Variants in LMTK3 observed in about 807,000 individuals in gnomAD.
LMTK3 encodes lemur tail kinase 3.
LMTK3 carries 27 observed loss-of-function variants against 116.7 expected under a neutral mutation model. That is an observed-to-expected ratio of 0.23 (90% confidence interval 0.17 to 0.32). The LOEUF (loss-of-function observed/expected upper bound fraction) is 0.32. Among genes scored for constraint, LMTK3 ranks in the 10% least tolerant of loss-of-function variants. LMTK3 has a pLI of 1.00. For missense variants in LMTK3, 1,764 were observed against 2,068.5 expected (o/e 0.85, Z 2.86); for synonymous variants, 965 against 971.0 (o/e 0.99, Z 0.11).
At position 48,497,696 on chromosome 19, in the gene LMTK3, C is replaced by T. The variant is rs1569102434; in HGVS notation, c.3373G>A (p.Gly1125Ser). The T allele has an allele frequency of 2.3e-6, 3 of 1,313,538 alleles. No homozygotes were observed. The highest frequency in any genetic ancestry group is 2.9e-6 in the Non-Finnish European group (3 of 1,035,322). 81.4% of individuals were successfully genotyped at this position (1,313,538 alleles called of 1,614,324 possible). Residue 1125 changes from glycine to serine, a missense_variant, in exon 11 of 15, where the codon GGC becomes AGC. This residue lies in a region of LMTK3 where 1,028 missense variants were observed against 1,050.6 expected (regional missense o/e 0.98). Coordinates refer to ENST00000600059, the MANE Select transcript of LMTK3 (RefSeq NM_001388485.1). This position sits in a 1 kb window ranked among gnomAD's most constrained non-coding sequence, Gnocchi z 5.7. ...GCGTCCACGCCGCTTCCGGGGCCGC[C>T]GCCGGGGGCCGTCCCCGTGCCCACT... ...APVGTGTAPG[G>S]GPGSGVDAKA...
chr19:48,504,017 G>A (rs772325671), intron 5 of LMTK3, among the ~76,000 whole-genome samples: 16 of 151,914 alleles, frequency 1.1e-4, no homozygotes, highest in Non-Finnish European at 1.9e-4. Context: ...ACAGATGCCC[G>A]ACACCAAGCC....
In LMTK3 at chr19:48,498,351, G is replaced by A. The variant is rs377699902; in HGVS notation, c.2718C>T (p.Asp906=). 72 of 1,612,938 alleles carry A rather than the reference G, an allele frequency of 4.5e-5. No homozygotes were observed. Among genetic ancestry groups the A allele is most frequent in the Non-Finnish European group, 5.8e-5 (69 of 1,179,744 alleles). Residue 906 remains aspartate, a synonymous_variant, in exon 11 of 15, where the codon GAC becomes GAT. Coordinates refer to ENST00000600059, the MANE Select transcript of LMTK3 (RefSeq NM_001388485.1). ...NREKVPGLNR[D]PTVLGNGKQA... is the part of the protein sequence containing the mutation. ...GTTTCCCGTTGCCCAGGACTGTCGG[G>A]TCCCTGTTCAGGCCCGGGACTTTCT...
intron 14 of LMTK3, among the ~76,000 whole-genome samples, chr19:48,490,701 C>G (rs1972206474): frequency 6.6e-6 from 1 of 152,186 alleles, no homozygotes; most frequent in South Asian, 2.1e-4. Context: ...CTGGTTCACA[C>G]CAACCGGCTT....
intron 14 of LMTK3, among the ~76,000 whole-genome samples, chr19:48,486,457 C>T (rs998961263): frequency 6.6e-6 from 1 of 152,158 alleles, no homozygotes; most frequent in Non-Finnish European, 1.5e-5. Flanking sequence ...CACCCCTGCA[C>T]GCTCATCTTT....
rs778499082 is a variant in LMTK3 at position 48,497,559 on chromosome 19, C to T, written c.3510G>A (p.Pro1170=). The change falls in exon 11 of 15, where the codon CCG becomes CCA. Residue 1170 remains proline, a synonymous_variant. Transcript: ENST00000600059. This position sits in a 1 kb window ranked among gnomAD's most constrained non-coding sequence, Gnocchi z 5.7. ...RLEPAPPRAR[P]EVAPEGEPGA... Reference sequence around the variant, plus strand: ...CGGGCTCTCCCTCGGGGGCCACCTCCGGCCTGGCTCTCGGGGGCGCTGGCT... The same window carrying T: ...CGGGCTCTCCCTCGGGGGCCACCTCTGGCCTGGCTCTCGGGGGCGCTGGCT... The T allele has an allele frequency of 1.2e-5, 17 of 1,361,322 alleles. No homozygotes were observed. In the Middle Eastern group the frequency reaches 1.2e-3, roughly 100 times the overall value. 84.3% of individuals were successfully genotyped at this position (1,361,322 alleles called of 1,614,324 possible).
chr19:48,507,015 G>A (rs1444075056), intron 5 of LMTK3, among the ~76,000 whole-genome samples: 1 of 152,156 alleles, frequency 6.6e-6, no homozygotes, highest in Admixed American at 6.6e-5. Flanking sequence ...TGGTCTCCAA[G>A]TCCTGAGCTC....
In LMTK3 at chr19:48,497,369, G is replaced by T. The variant is rs756408426; in HGVS notation, c.3676+24C>A. Reference sequence around the variant, plus strand: ...TCGGAAACAGCCGGACCTCAGCCCTGACTGTGCCCCGCAGCCTCCTCACCT... The same window carrying T: ...TCGGAAACAGCCGGACCTCAGCCCTTACTGTGCCCCGCAGCCTCCTCACCT... On this transcript the variant is annotated intron_variant, in intron 11 of 14. Transcript: ENST00000600059. This position sits in a 1 kb window ranked among gnomAD's most constrained non-coding sequence, Gnocchi z 5.7. The T allele has an allele frequency of 3.4e-5, 50 of 1,452,440 alleles. No homozygotes were observed. The East Asian group carries it at 1.3e-3, about 39-fold the overall frequency. The allele number at this position is 1,452,440 out of a possible 1,614,324, so 90.0% of individuals were successfully genotyped here. A position where few individuals can be genotyped will look rare whatever the true frequency, so the allele number is the denominator to read the frequency against.
At chr19:48,502,352 C>T in intron 7 of LMTK3, 81 bp downstream of exon 7, 2 of 1,470,608 alleles carry the variant, frequency 1.4e-6, no homozygotes, top group Non-Finnish European at 1.8e-6. Flanking sequence ...GGTCCGCCCC[C>T]CCTCTAGCCC....
chr19:48,488,617 G>A (rs982714551), intron 14 of LMTK3, among the ~76,000 whole-genome samples: 5 of 152,056 alleles, frequency 3.3e-5, no homozygotes, highest in African/African-American at 9.7e-5. Flanking sequence ...TTCCTTGAGC[G>A]GGCCAAGCTC....
In LMTK3 at chr19:48,498,526, C is replaced by A. The variant is rs868380083; in HGVS notation, c.2543G>T (p.Arg848Leu). 11 of 1,573,466 alleles carry A rather than the reference C, an allele frequency of 7.0e-6. No individual in the cohort carries two copies. The African/African-American group carries it at 1.4e-4, about 19-fold the overall frequency. The stretch of plus-strand genomic sequence containing the variant: ...TTGAACCACGAAGGTCGGCTTCTCC[C>A]GGGGCCCCGGGAGTGGGAGCGGACC... The part of the protein sequence containing the change: ...DPGPLPLPGP[R>L]EKPTFVVQVS... Residue 848 changes from arginine to leucine, a missense_variant, in exon 11 of 15, where the codon CGG (arginine) becomes CTG (leucine). Around this residue, in one of 7 missense-constraint regions of LMTK3, gnomAD observed 1,028 missense variants for 1,050.6 expected, o/e 0.98. Transcript: ENST00000600059.
rs1972440767 is a variant in LMTK3 at position 48,500,333 on chromosome 19, A to G, written c.1152-416T>C. On this transcript the variant is annotated intron_variant, in intron 10 of 14. Coordinates refer to ENST00000600059, the MANE Select transcript of LMTK3 (RefSeq NM_001388485.1). This position sits in a 1 kb window ranked among gnomAD's most constrained non-coding sequence, Gnocchi z 4.0. ...CAGCTACCTGGGAGGCTGAGGCAGG[A>G]GAACCGCTTGAACCCGGGAGGCGGA... 6.6e-6 allele frequency among the ~76,000 whole-genome samples: 1 copy of G among 152,200 alleles called. No homozygotes were observed. Among genetic ancestry groups the G allele is most frequent in the African/African-American group, 2.4e-5 (1 of 41,454 alleles).
At position 48,498,633 on chromosome 19, in the gene LMTK3, C is replaced by T. The variant is rs1346713712; in HGVS notation, c.2436G>A (p.Ala812=). 2.6e-6 allele frequency: 4 copies of T among 1,541,076 alleles called. No individual in the cohort carries two copies. Among genetic ancestry groups the T allele is most frequent in the East Asian group, 2.5e-5 (1 of 40,648 alleles). Residue 812 remains alanine (A), a synonymous_variant, in exon 11 of 15, where the codon GCG becomes GCA. Transcript: ENST00000600059. ...GCCGAGGGACCCCTTCCTCCTCGGCCGCCCCCCCACCTGGGAAGGCTCCCT... is the reference window on the plus strand; with the variant it reads ...GCCGAGGGACCCCTTCCTCCTCGGCTGCCCCCCCACCTGGGAAGGCTCCCT... ...SPEGAFPGGG[A]AEEEGVPRPR...
intron 6 of LMTK3, 126 bp from the exon 7 acceptor site, chr19:48,502,707 TGCAGCAG>T (rs1972494834): frequency 8.6e-7 from 1 of 1,163,886 alleles, no homozygotes; most frequent in African/African-American, 1.6e-5. Context: ...CTCTGCTGCT[TGCAGCAG>T]GTAATAACAC....
At position 48,499,361 on chromosome 19, in the gene LMTK3, G is replaced by C; in HGVS notation, c.1708C>G (p.Pro570Ala). 7.0e-7 allele frequency: 1 copy of C among 1,425,210 alleles called. No homozygotes were observed. The highest frequency in any genetic ancestry group is 9.2e-7 in the Non-Finnish European group (1 of 1,083,090). 88.3% of individuals were successfully genotyped at this position (1,425,210 alleles called of 1,614,324 possible). A position where few individuals can be genotyped will look rare whatever the true frequency, so the allele number is the denominator to read the frequency against. Reference sequence around the variant, plus strand: ...TGGGGGACCTCGGAGGGGGCCTGGGGGGCCTGAGGGGCGGGCACTCCTGGG... The same window carrying C: ...TGGGGGACCTCGGAGGGGGCCTGGGCGGCCTGAGGGGCGGGCACTCCTGGG... ...LDPGVPAPQA[P>A]QAPSEVPQLV... The change falls in exon 11 of 15, where the codon CCC becomes GCC. Residue 570 changes from proline to alanine, a missense_variant. By Grantham distance (27) the Pro-to-Ala change is conservative (BLOSUM62 -1). Transcript: ENST00000600059.
rs1483041773 is a variant in LMTK3 at position 48,498,956 on chromosome 19, C to T, written c.2113G>A (p.Glu705Lys). ...TCTGCCCGCAGCGAGGAGTCGTCCT[C>T]GGGGGGGTGGGGGCAGCCAAGAGCA... ...HPALGCPHPP[E>K]DDSSLRAERG... Residue 705 changes from glutamate to lysine, a missense_variant, in exon 11 of 15, where the codon GAG (glutamate) becomes AAG (lysine). This residue lies in a region of LMTK3 where 1,028 missense variants were observed against 1,050.6 expected (regional missense o/e 0.98). Coordinates refer to ENST00000600059, the MANE Select transcript of LMTK3 (RefSeq NM_001388485.1). The T allele has an allele frequency of 3.2e-6, 4 of 1,260,714 alleles. No individual in the cohort carries two copies. The highest frequency in any genetic ancestry group is 8.5e-5 in the Admixed American group (2 of 23,414). 78.1% of individuals were successfully genotyped at this position (1,260,714 alleles called of 1,614,324 possible). A position where few individuals can be genotyped will look rare whatever the true frequency, so the allele number is the denominator to read the frequency against.
At chr19:48,503,789 T>TTCTCTCTCTC (rs148406252) in intron 5 of LMTK3, among the ~76,000 whole-genome samples, 1 of 149,502 alleles carries the variant, frequency 6.7e-6, no homozygotes, top group African/African-American at 2.5e-5. Flanking sequence ...ACCTACAGTT[T>TTCTCTCTCTC]TCTCTCTCTC....
Position 48,499,767 on chromosome 19 carries a change from G to C in LMTK3, c.1302C>G (p.Pro434=). The C allele has an allele frequency of 6.5e-7, 1 of 1,537,588 alleles. No homozygotes were observed. Among genetic ancestry groups the C allele is most frequent in the South Asian group, 1.2e-5 (1 of 82,262 alleles). The change falls in exon 11 of 15, where the codon CCC becomes CCG. Residue 434 remains proline (P), a synonymous_variant. Transcript: ENST00000600059. ...PPPRDGPFPW[P]WPPAHSAPRP... ...GGGGCGCACTGTGTGCAGGGGGCCA[G>C]GGCCAGGGGAAGGGACCGTCTCGGG...
rs1016333313 is a variant in LMTK3, at chr19:48,501,214, A to T, written c.1001+69T>A. Reference sequence around the variant, plus strand: ...CGGGCCTCATTTTCCCCATCTGTAGAACCGGTGGCATCTAGTAACCCTTCC... The same window carrying T: ...CGGGCCTCATTTTCCCCATCTGTAGTACCGGTGGCATCTAGTAACCCTTCC... On this transcript the variant is annotated intron_variant, in intron 9 of 14. Transcript: ENST00000600059. The T allele has an allele frequency of 2.5e-6, 4 of 1,606,344 alleles. No individual in the cohort carries two copies. In the African/African-American group the frequency reaches 4.0e-5, roughly 16 times the overall value.
chr19:48,498,149 G>C lies in LMTK3; in HGVS notation c.2920C>G (p.Leu974Val), dbSNP rs1385711898. 1.2e-6 allele frequency: 2 copies of C among 1,613,408 alleles called. No individual in the cohort carries two copies. The highest frequency in any genetic ancestry group is 3.3e-5 in the Admixed American group (2 of 59,992). The change falls in exon 11 of 15, where the codon CTG (leucine) becomes GTG (valine). Residue 974 changes from leucine (L) to valine (V), a missense_variant. By Grantham distance (32) the Leu-to-Val change is conservative. Coordinates refer to ENST00000600059, the MANE Select transcript of LMTK3 (RefSeq NM_001388485.1). ...GGGGACCTCAGCTCCCCATTCTCCA[G>C]CGCTTTCTCCTCCCTCCTTGGGGGT... ...LTPPRREEKA[L>V]ENGELRSPEA...
Sources: gnomAD v4.1 joint callset for allele counts (sites outside exome capture counted in the v4.1 genomes callset) on GRCh38, gnomAD v4.1.1 for gene constraint, gnomAD v4.1.1 regional missense constraint, Gnocchi (gnomAD v3.1) non-coding constraint, MANE v1.5 for transcripts, NCBI Gene and HGNC (gene_info 2026-07-23, HGNC 2026-07-21) for gene names.